Variants in TRIM2 observed in about 807,000 individuals in gnomAD.
TRIM2 encodes tripartite motif containing 2, also known as tripartite motif-containing protein 2.
Under a neutral mutation model 75.2 loss-of-function variants are expected in TRIM2, and 20 were observed. The observed-to-expected ratio is 0.27, with a 90% confidence interval of 0.19 to 0.39. The LOEUF is 0.39. TRIM2 is among the 10% of genes least tolerant of loss of function. TRIM2 has a pLI of 1.00. For synonymous variants in TRIM2, 373 were observed against 388.3 expected (o/e 0.96, Z 0.46); for missense variants, 660 against 990.8 (o/e 0.67, Z 4.48).
At chr4:153,272,202 G>T (rs1257446181) in intron 2 of TRIM2, among the ~76,000 whole-genome samples, 1 of 151,902 alleles carries the variant, frequency 6.6e-6, no homozygotes, top group East Asian at 1.9e-4. Flanking sequence ...AGGCTGGAGT[G>T]CAGTGGCGCA....
chr4:153,308,002 A>C lies in TRIM2; in HGVS notation c.1511-7483A>C, dbSNP rs137980319. The C allele has an allele frequency of 2.0e-3, 1,549 of 763,906 alleles. 18 individuals are homozygous for C. In the African/African-American group the frequency reaches 0.023, roughly 11 times the overall value. 47.3% of individuals were successfully genotyped at this position (763,906 alleles called of 1,614,324 possible). A position where few individuals can be genotyped will look rare whatever the true frequency, so the allele number is the denominator to read the frequency against. ...ATACACTGGACCAGGTTCAGGAAAG[A>C]ATTTTCCAGGTCTCCTTTAACCTCT... On this transcript the variant is annotated intron_variant, in intron 6 of 11. Coordinates refer to ENST00000338700, the MANE Select transcript of TRIM2 (RefSeq NM_015271.5).
At chr4:153,257,353 T>C (rs1344645607) in intron 1 of TRIM2, 2 of 1,081,880 alleles carry the variant, frequency 1.8e-6, no homozygotes, top group African/African-American at 3.3e-5. Flanking sequence ...CCCTATCCCA[T>C]AATCCCTTGC....
At chr4:153,273,424 C>G (rs1193933958) in intron 2 of TRIM2, among the ~76,000 whole-genome samples, 4 of 149,308 alleles carry the variant, frequency 2.7e-5, no homozygotes, top group African/African-American at 7.4e-5. Flanking sequence ...TACAGGCGCC[C>G]GCCACCACGC....
intron 1 of TRIM2, among the ~76,000 whole-genome samples, chr4:153,267,292 CAT>C (rs1270623861): frequency 6.6e-6 from 1 of 152,112 alleles, no homozygotes; most frequent in Non-Finnish European, 1.5e-5. Flanking sequence ...GTTTTAGAGA[CAT>C]ATACTCCTTG....
intron 1 of TRIM2, among the ~76,000 whole-genome samples, chr4:153,183,335 A>G (rs1732266799): frequency 1.3e-5 from 2 of 152,218 alleles, no homozygotes; most frequent in South Asian, 4.1e-4. Context: ...CAGCTGAATG[A>G]TAAATGTTCC....
chr4:153,291,975 C>T (rs1347918286), intron 3 of TRIM2, among the ~76,000 whole-genome samples: 1 of 151,676 alleles, frequency 6.6e-6, no homozygotes, highest in East Asian at 1.9e-4. Flanking sequence ...AGTGGTGAAG[C>T]CAGGAGACAA....
intron 1 of TRIM2, among the ~76,000 whole-genome samples, chr4:153,209,184 A>G (rs901312559): frequency 7.2e-5 from 11 of 152,258 alleles, no homozygotes; most frequent in Non-Finnish European, 1.3e-4. Flanking sequence ...CTCCCTAACT[A>G]GAGTAATGGA....
At chr4:153,243,818 T>TCC (rs77308682) in intron 1 of TRIM2, among the ~76,000 whole-genome samples, 46 of 98,682 alleles carry the variant, frequency 4.7e-4, no homozygotes, top group African/African-American at 1.3e-3. Flanking sequence ...TTTTTTTTTT[T>TCC]CCCCCCCCCC....
rs1437683563 is a variant in TRIM2 at position 153,338,778 on chromosome 4, C to T, written c.*3812C>T. 3.0e-6 allele frequency: 3 copies of T among 985,546 alleles called. No individual in the cohort carries two copies. Among genetic ancestry groups the T allele is most frequent in the Non-Finnish European group, 3.6e-6 (3 of 829,886 alleles). The allele number at this position is 985,546 out of a possible 1,614,324, so 61.1% of individuals were successfully genotyped here. A position where few individuals can be genotyped will look rare whatever the true frequency, so the allele number is the denominator to read the frequency against. ...AGATTAATAAATTGGCTATGTTGTTCCAATGAATGTACAGCACTTCCATTA... is the reference window on the plus strand; with the variant it reads ...AGATTAATAAATTGGCTATGTTGTTTCAATGAATGTACAGCACTTCCATTA... On this transcript the variant is annotated 3_prime_UTR_variant, in exon 12 of 12. Transcript: ENST00000338700.
At chr4:153,209,468 C>A (rs1159434009) in intron 1 of TRIM2, among the ~76,000 whole-genome samples, 1 of 152,158 alleles carries the variant, frequency 6.6e-6, no homozygotes, top group Non-Finnish European at 1.5e-5. Flanking sequence ...CTTATCACAC[C>A]TCCAGTCCTG....
chr4:153,266,121 C>T (rs1322203997), intron 1 of TRIM2, among the ~76,000 whole-genome samples: 1 of 152,166 alleles, frequency 6.6e-6, no homozygotes, highest in Non-Finnish European at 1.5e-5. Flanking sequence ...CTGAATGTGA[C>T]ACTCTTGTAT....
chr4:153,223,329 CAA>C (rs1325730423), intron 1 of TRIM2, among the ~76,000 whole-genome samples: 2 of 152,094 alleles, frequency 1.3e-5, no homozygotes, highest in East Asian at 3.8e-4. Context: ...GGATAGCTTT[CAA>C]AGTCATTTTG....
At chr4:153,262,394 C>G (rs552612214) in intron 1 of TRIM2, among the ~76,000 whole-genome samples, 1 of 152,238 alleles carries the variant, frequency 6.6e-6, no homozygotes, top group South Asian at 2.1e-4. Flanking sequence ...GTCTTCACTT[C>G]CTGGATGGAA....
chr4:153,214,819 C>G (rs1322370491), intron 1 of TRIM2, among the ~76,000 whole-genome samples: 1 of 152,140 alleles, frequency 6.6e-6, no homozygotes, highest in Non-Finnish European at 1.5e-5. Flanking sequence ...GACAAGCATA[C>G]TAGGTGTTTT....
intron 11 of TRIM2, among the ~76,000 whole-genome samples, chr4:153,334,399 T>C (rs1772165030): frequency 6.9e-6 from 1 of 144,092 alleles, no homozygotes; most frequent in African/African-American, 2.5e-5. Context: ...TTTTTTCTGC[T>C]TTTTTTTTTT....
intron 6 of TRIM2, among the ~76,000 whole-genome samples, chr4:153,309,098 G>A (rs912951199): frequency 6.6e-6 from 1 of 152,234 alleles, no homozygotes; most frequent in Non-Finnish European, 1.5e-5. Context: ...GCAACTTACA[G>A]TGTAGTGAAG....
chr4:153,158,118 G>C (rs1487210618), intron 1 of TRIM2, among the ~76,000 whole-genome samples: 1 of 152,140 alleles, frequency 6.6e-6, no homozygotes, highest in African/African-American at 2.4e-5. Context: ...TTGACAAATT[G>C]ACTACTTAAC....
At chr4:153,296,147 GT>G in intron 6 of TRIM2, 111 bp downstream of exon 6, 1 of 1,329,418 alleles carries the variant, frequency 7.5e-7, no homozygotes, top group Non-Finnish European at 9.9e-7. Flanking sequence ...ACCTGCAGGT[GT>G]TAGGAGATGT....
At chr4:153,191,223 A>G (rs1733155539) in intron 1 of TRIM2, among the ~76,000 whole-genome samples, 1 of 152,256 alleles carries the variant, frequency 6.6e-6, no homozygotes, top group South Asian at 2.1e-4. Context: ...TAGTTCAAAA[A>G]GTCCAATGAT....
Sources: gnomAD v4.1 joint callset for allele counts (sites outside exome capture counted in the v4.1 genomes callset) on GRCh38, gnomAD v4.1.1 for gene constraint, MANE v1.5 for transcripts, NCBI Gene and HGNC (gene_info 2026-07-23, HGNC 2026-07-21) for gene names.